Variants in PACS2 observed in about 807,000 individuals in gnomAD.
PACS2 encodes PACS1-like protein.
PACS2 carries 36 observed loss-of-function variants against 113.0 expected under a neutral mutation model. That is an observed-to-expected ratio of 0.32 (90% CI 0.24 to 0.42). The LOEUF is 0.42. PACS2 is among the 10% of genes least tolerant of loss of function. The probability of loss-of-function intolerance (pLI) is 1.00; values close to 1 mark genes in which losing one functional copy is unlikely to be tolerated. For missense variants in PACS2, 1,015 were observed against 1,239.5 expected (o/e 0.82, Z 2.72); for synonymous variants, 589 against 536.1 (o/e 1.10, Z -1.36).
intron 4 of PACS2, among the ~76,000 whole-genome samples, chr14:105,364,759 T>G (rs1555407573): frequency 6.7e-6 from 1 of 150,058 alleles, no homozygotes; most frequent in East Asian, 2.0e-4. Flanking sequence ...TGCAGTGGTG[T>G]GATCTTGGCT....
At position 105,360,482 on chromosome 14, in the gene PACS2, G is replaced by T. The variant is rs1595693688; in HGVS notation, c.423+5305G>T. On this transcript the variant is annotated intron_variant, in intron 4 of 24. Coordinates refer to ENST00000447393, the MANE Select transcript of PACS2 (RefSeq NM_001100913.3). The stretch of plus-strand genomic sequence containing the variant: ...CACTTTAACCCGGGAGGCGGAGGTT[G>T]CAGTGAGCCGAGATCACGCCACTGC... Among the ~76,000 whole-genome samples, 4 of 151,524 alleles carry T rather than the reference G, an allele frequency of 2.6e-5. 1 individual carries two copies. The Middle Eastern group carries it at 0.014, about 515-fold the overall frequency.
intron 1 of PACS2, among the ~76,000 whole-genome samples, chr14:105,320,673 T>C (rs1267003570): frequency 3.3e-5 from 5 of 152,198 alleles, no homozygotes; most frequent in African/African-American, 4.8e-5. Flanking sequence ...TAGTATCTTG[T>C]TTAGGACTTC....
Position 105,394,763 on chromosome 14 carries a change from C to T in PACS2, c.*91C>T, listed in dbSNP as rs367796286. On this transcript the variant is annotated 3_prime_UTR_variant, in exon 25 of 25. Transcript: ENST00000447393. ...CATTTCAGTTTACTACAGAGACAGA[C>T]GCTTAAAACACAAAGAGAAACAGTC... The T allele has an allele frequency of 2.4e-5, 20 of 835,302 alleles. No homozygotes were observed. Among genetic ancestry groups the T allele is most frequent in the African/African-American group, 5.0e-5 (3 of 59,986 alleles). The allele number at this position is 835,302 out of a possible 1,614,324, so 51.7% of individuals were successfully genotyped here.
intron 11 of PACS2, among the ~76,000 whole-genome samples, chr14:105,380,691 TCTC>T (rs1378214883): frequency 6.6e-6 from 1 of 152,004 alleles, no homozygotes; most frequent in African/African-American, 2.4e-5. Flanking sequence ...TTGCATGGGG[TCTC>T]CTCAGTTAGG....
Position 105,380,248 on chromosome 14 carries a change from T to C in PACS2, c.1125+94T>C, listed in dbSNP as rs1555411610. 3 of 1,020,800 alleles carry C rather than the reference T, an allele frequency of 2.9e-6. No individual in the cohort carries two copies. The African/African-American group carries it at 4.8e-5, about 16-fold the overall frequency. The allele number at this position is 1,020,800 out of a possible 1,614,324, so 63.2% of individuals were successfully genotyped here. On this transcript the variant is annotated intron_variant, in intron 11 of 24. Coordinates refer to ENST00000447393, the MANE Select transcript of PACS2 (RefSeq NM_001100913.3). Reference sequence around the variant, plus strand: ...GACCTGGAGGGGCGGGGCCCACATATAGGTCCTCATGTCACACCTGGTGTG... The same window carrying C: ...GACCTGGAGGGGCGGGGCCCACATACAGGTCCTCATGTCACACCTGGTGTG...
At chr14:105,320,799 A>G (rs1374338249) in intron 1 of PACS2, among the ~76,000 whole-genome samples, 1 of 152,190 alleles carries the variant, frequency 6.6e-6, no homozygotes, top group African/African-American at 2.4e-5. Flanking sequence ...GTATCGTGGT[A>G]TAGCTTATGT....
At chr14:105,369,930 C>A in intron 8 of PACS2, 30 bp downstream of exon 8, 1 of 1,577,680 alleles carries the variant, frequency 6.3e-7, no homozygotes, top group Non-Finnish European at 8.6e-7. Context: ...TGCTCGCGGC[C>A]CCCACGCCTG....
chr14:105,373,655 G>A (rs1415048456), intron 8 of PACS2, among the ~76,000 whole-genome samples: 1 of 152,094 alleles, frequency 6.6e-6, no homozygotes, highest in African/African-American at 2.4e-5. Context: ...GGGCATGGTG[G>A]TATGCACCTG....
intron 16 of PACS2, chr14:105,384,082 C>T: frequency 2.1e-6 from 1 of 465,404 alleles, no homozygotes; most frequent in East Asian, 4.0e-5. Flanking sequence ...CAGCCGAGGC[C>T]TCTGCACGGT....
At chr14:105,388,226 T>C (rs1325480602) in intron 19 of PACS2, among the ~76,000 whole-genome samples, 2 of 152,012 alleles carry the variant, frequency 1.3e-5, no homozygotes, top group African/African-American at 4.8e-5. Context: ...CCAGGAGCCG[T>C]CCAGGTTGGC....
chr14:105,319,489 G>A (rs891291659), intron 1 of PACS2, among the ~76,000 whole-genome samples: 1 of 152,168 alleles, frequency 6.6e-6, no homozygotes, highest in Admixed American at 6.5e-5. Flanking sequence ...GTAAAAGTCA[G>A]CTTTTTATTA....
chr14:105,361,106 C>T (rs587670993), intron 4 of PACS2, among the ~76,000 whole-genome samples: 135 of 152,320 alleles, frequency 8.9e-4, no homozygotes, highest in Non-Finnish European at 1.7e-3. Context: ...AAGTCATCCA[C>T]GAGAGAGTTG....
intron 1 of PACS2, among the ~76,000 whole-genome samples, chr14:105,334,295 C>T (rs981343668): frequency 1.3e-4 from 20 of 152,268 alleles, no homozygotes; most frequent in Admixed American, 1.2e-3. Flanking sequence ...ACAGACCCCA[C>T]CTGACTCCAG....
upstream of PACS2, among the ~76,000 whole-genome samples, chr14:105,313,294 C>G (rs140324261): frequency 9.2e-3 from 1,402 of 152,364 alleles, 9 homozygotes; most frequent in Non-Finnish European, 0.015. Context: ...CACAGACAGC[C>G]TGTCCTCCTG....
Position 105,389,967 on chromosome 14 carries a change from C to T in PACS2, c.2040C>T (p.Asp680=), listed in dbSNP as rs782462194. 35 of 1,613,702 alleles carry T rather than the reference C, an allele frequency of 2.2e-5. No individual in the cohort carries two copies. The highest frequency in any genetic ancestry group is 1.6e-4 in the Middle Eastern group (1 of 6,082). Residue 680 remains aspartate, a synonymous_variant, in exon 20 of 25, where the codon GAC becomes GAT. Transcript: ENST00000447393. ...HFHFDFTLSP[D]EESSQKFIPF... is the part of the protein sequence containing the mutation. Reference sequence around the variant, plus strand: ...TCTGTTTCCTTGCTCTTAGCCCTGACGAAGAGTCCTCCCAAAAGTTCATTC... The same window carrying T: ...TCTGTTTCCTTGCTCTTAGCCCTGATGAAGAGTCCTCCCAAAAGTTCATTC...
At chr14:105,302,194 T>G (rs1245824924) in intron 1 of PACS2, among the ~76,000 whole-genome samples, 3 of 151,374 alleles carry the variant, frequency 2.0e-5, no homozygotes, top group African/African-American at 7.3e-5. Context: ...CCACCCTCTT[T>G]TTTTTCTTTC....
upstream of PACS2, among the ~76,000 whole-genome samples, chr14:105,311,883 G>C (rs979847722): frequency 4.6e-5 from 7 of 152,238 alleles, no homozygotes; most frequent in Non-Finnish European, 1.0e-4. Context: ...CATGGGAGTG[G>C]ATGCGGCAGG....
chr14:105,381,678 G>A (rs1555412062), intron 12 of PACS2, among the ~76,000 whole-genome samples: 1 of 152,262 alleles, frequency 6.6e-6, no homozygotes, highest in Non-Finnish European at 1.5e-5. Context: ...CACAGGCAGA[G>A]CTGTGTGGGG....
intron 19 of PACS2, among the ~76,000 whole-genome samples, chr14:105,386,221 C>T (rs1555413543): frequency 1.3e-5 from 2 of 152,164 alleles, no homozygotes; most frequent in African/African-American, 2.4e-5. Flanking sequence ...AGCAGGGGCA[C>T]GGGTGCACGC....
Sources: gnomAD v4.1 joint callset for allele counts (sites outside exome capture counted in the v4.1 genomes callset) on GRCh38, gnomAD v4.1.1 for gene constraint, MANE v1.5 for transcripts, NCBI Gene and HGNC (gene_info 2026-07-23, HGNC 2026-07-21) for gene names.